The following PCDHA11 variants were observed in gnomAD, a reference collection of about 807,000 sequenced individuals.
The protein encoded by PCDHA11 is protocadherin alpha 11, also known as protocadherin alpha-11.
A neutral mutation model predicts 70.3 loss-of-function variants in PCDHA11; 61 were observed. The observed-to-expected ratio is 0.87, with a 90% CI of 0.71 to 1.07. PCDHA11 has a LOEUF of 1.07. Ranked by LOEUF, PCDHA11 falls within the 50% of genes least tolerant of loss-of-function variation. The pLI is 0.00. For missense variants in PCDHA11, 1,324 were observed against 1,237.5 expected (o/e 1.07, Z -1.05); for synonymous variants, 633 against 555.1 (o/e 1.14, Z -1.97).
chr5:140,928,409 C>A (rs782636217), intron 1 of PCDHA11: 2 of 1,613,912 alleles, frequency 1.2e-6, no homozygotes, highest in Non-Finnish European at 8.5e-7. Context: ...TCCAGTGGGG[C>A]CATCACTGCC....
chr5:141,001,089 C>G (rs972790418), intron 3 of PCDHA11, among the ~76,000 whole-genome samples: 2 of 152,042 alleles, frequency 1.3e-5, no homozygotes, highest in Admixed American at 1.3e-4. Flanking sequence ...ACCCCATAAA[C>G]TGTCTAATCC....
intron 1 of PCDHA11, among the ~76,000 whole-genome samples, chr5:140,936,282 T>C (rs781971653): frequency 6.6e-6 from 1 of 152,250 alleles, no homozygotes; most frequent in Non-Finnish European, 1.5e-5. Context: ...CTGTGTTTTC[T>C]TCTATAACAT....
At chr5:140,946,447 A>G (rs1206019841) in intron 1 of PCDHA11, among the ~76,000 whole-genome samples, 6 of 151,544 alleles carry the variant, frequency 4.0e-5, no homozygotes, top group Non-Finnish European at 7.4e-5. Context: ...AGACTAAAAC[A>G]ACTATCCAGC....
At chr5:140,921,920 TTA>T (rs1253318185) in intron 1 of PCDHA11, among the ~76,000 whole-genome samples, 1 of 151,888 alleles carries the variant, frequency 6.6e-6, no homozygotes, top group African/African-American at 2.4e-5. Flanking sequence ...ATGATAAAAC[TTA>T]TAGTCAATAT....
Position 140,869,227 on chromosome 5 carries a change from G to A in PCDHA11, c.124G>A (p.Gly42Ser). The A allele has an allele frequency of 1.2e-6, 2 of 1,613,788 alleles. No individual in the cohort carries two copies. Among genetic ancestry groups the A allele is most frequent in the African/African-American group, 1.3e-5 (1 of 75,054 alleles). Residue 42 changes from glycine to serine, a missense_variant, in exon 1 of 4, where the codon GGC becomes AGC. By Grantham distance (56) the Gly-to-Ser change is moderately conservative. Transcript: ENST00000398640. ...CTCCGTCTCGGAGGAGGCCAAACAC[G>A]GCACCTTCGTGGGCCGCATCGCGCA... The part of the protein sequence containing the change: ...HYSVSEEAKH[G>S]TFVGRIAQDL...
rs1367500775 is a variant in PCDHA11, at chr5:140,929,192, A to G, written c.2392-49757A>G. ...TCTCTGGGACTTGGTTCTGATAATA[A>G]CAGTTTGCTGTTGCGTGGGGAGTAC... On this transcript the variant is annotated intron_variant, in intron 1 of 3. Transcript: ENST00000398640. The G allele has an allele frequency of 8.1e-6, 13 of 1,614,124 alleles. 1 individual carries two copies. The highest frequency in any genetic ancestry group is 1.0e-5 in the Non-Finnish European group (12 of 1,180,018).
chr5:140,970,193 G>C (rs1243334467), intron 1 of PCDHA11, among the ~76,000 whole-genome samples: 2 of 152,166 alleles, frequency 1.3e-5, no homozygotes, highest in African/African-American at 4.8e-5. Context: ...ATTGTAAGAG[G>C]ATTTCCCTGA....
At chr5:140,884,499 C>A (rs782667822) in intron 1 of PCDHA11, 2 of 1,614,062 alleles carry the variant, frequency 1.2e-6, no homozygotes, top group Non-Finnish European at 8.5e-7. Flanking sequence ...TGCTCCAGCG[C>A]GGCAGGGAGT....
At chr5:140,957,871 G>C (rs1312915058) in intron 1 of PCDHA11, among the ~76,000 whole-genome samples, 1 of 151,864 alleles carries the variant, frequency 6.6e-6, no homozygotes, top group African/African-American at 2.4e-5. Flanking sequence ...CCTATTTTGT[G>C]CTGAAAAGCT....
At chr5:140,936,291 A>G (rs996685658) in intron 1 of PCDHA11, among the ~76,000 whole-genome samples, 2 of 152,174 alleles carry the variant, frequency 1.3e-5, no homozygotes, top group African/African-American at 4.8e-5. Flanking sequence ...CTTCTATAAC[A>G]TTGCTATCCA....
chr5:140,870,722 G>C lies in PCDHA11; in HGVS notation c.1619G>C (p.Gly540Ala), dbSNP rs1554164638. 20 of 1,613,222 alleles carry C rather than the reference G, an allele frequency of 1.2e-5. No homozygotes were observed. Among genetic ancestry groups the C allele is most frequent in the Non-Finnish European group, 1.4e-5 (17 of 1,179,874 alleles). Reference sequence around the variant, plus strand: ...TTCCAGGTGAGCGCGCGCGATGCGGGCGTGCCGCCTCTGAGCAGCAACGTG... The same window carrying C: ...TTCCAGGTGAGCGCGCGCGATGCGGCCGTGCCGCCTCTGAGCAGCAACGTG... ...LQFQVSARDAGVPPLSSNVTL... is the reference protein window; with the variant it reads ...LQFQVSARDAAVPPLSSNVTL... The change falls in exon 1 of 4, where the codon GGC (glycine) becomes GCC (alanine). Residue 540 changes from glycine (G) to alanine (A), a missense_variant. Coordinates refer to ENST00000398640, the MANE Select transcript of PCDHA11 (RefSeq NM_018902.5).
chr5:140,917,948 A>G (rs1382859222), intron 1 of PCDHA11, among the ~76,000 whole-genome samples: 2 of 151,868 alleles, frequency 1.3e-5, no homozygotes, highest in Admixed American at 1.3e-4. Flanking sequence ...TGGTAGTTTG[A>G]TAGGAACATC....
chr5:140,928,372 G>T (rs782494631), intron 1 of PCDHA11: 5 of 1,614,136 alleles, frequency 3.1e-6, no homozygotes, highest in Non-Finnish European at 4.2e-6. Flanking sequence ...AGGGCCATCA[G>T]CCTCTAGCTT....
In PCDHA11 at chr5:140,870,836, A is replaced by C; in HGVS notation, c.1733A>C (p.Lys578Thr). 6.2e-7 allele frequency: 1 copy of C among 1,613,796 alleles called. No individual in the cohort carries two copies. The highest frequency in any genetic ancestry group is 8.5e-7 in the Non-Finnish European group (1 of 1,179,872). Residue 578 changes from lysine (K) to threonine (T), a missense_variant, in exon 1 of 4, where the codon AAG becomes ACG. Transcript: ENST00000398640. ...QAGSAGGAVNKLVPRSVGAGH... is the reference protein window; with the variant it reads ...QAGSAGGAVNTLVPRSVGAGH... ...GGCAGCGCGGGAGGCGCAGTTAACA[A>C]GCTAGTACCGCGGTCGGTGGGTGCG...
intron 1 of PCDHA11, among the ~76,000 whole-genome samples, chr5:140,935,116 C>T (rs2090194943): frequency 6.6e-6 from 1 of 152,126 alleles, no homozygotes; most frequent in Non-Finnish European, 1.5e-5. Flanking sequence ...AGAGCTTTCA[C>T]TTATTTTTAG....
chr5:140,928,219 C>T (rs2153594773), intron 1 of PCDHA11: 1 of 1,614,166 alleles, frequency 6.2e-7, no homozygotes, highest in African/African-American at 1.3e-5. Flanking sequence ...TGACAATACA[C>T]CAAACTTTCC....
intron 1 of PCDHA11, chr5:140,875,900 C>G (rs1554168051): frequency 1.2e-6 from 2 of 1,614,174 alleles, no homozygotes; most frequent in South Asian, 2.2e-5. Flanking sequence ...GTACCTGTTT[C>G]TGAATCTGCG....
At chr5:140,926,775 G>C in intron 1 of PCDHA11, 9 of 1,391,106 alleles carry the variant, frequency 6.5e-6, no homozygotes, top group Admixed American at 3.1e-5. Flanking sequence ...GCCCGCAGCA[G>C]TGACGGCCGG....
intron 3 of PCDHA11, among the ~76,000 whole-genome samples, chr5:141,004,550 G>A (rs1554259606): frequency 6.6e-6 from 1 of 152,222 alleles, no homozygotes; most frequent in African/African-American, 2.4e-5. Flanking sequence ...TCCTTTAACT[G>A]TGCAAGATGA....
Sources: allele counts gnomAD v4.1 joint callset (sites outside exome capture counted in the v4.1 genomes callset), GRCh38; gene constraint gnomAD v4.1.1; transcripts MANE v1.5; gene names NCBI Gene and HGNC (gene_info 2026-07-23, HGNC 2026-07-21).